VWA2: variants seen among roughly 807,000 people sequenced by gnomAD.
VWA2 encodes the protein von Willebrand factor A domain containing 2.
VWA2 carries 73 observed loss-of-function variants against 70.4 expected under a neutral mutation model. The observed-to-expected ratio is 1.04, with a 90% CI of 0.86 to 1.26. The LOEUF (loss-of-function observed/expected upper bound fraction) is 1.26, where lower values mean the gene tolerates loss of function less well. Among genes scored for constraint, VWA2 ranks in the 50% most tolerant of loss-of-function variants. The pLI, the probability that VWA2 is intolerant of heterozygous loss-of-function variation, is 0.00. For synonymous variants in VWA2, 407 were observed against 423.3 expected, an observed-to-expected ratio of 0.96 and a Z score of 0.47; for missense variants, 1,011 against 998.5, an observed-to-expected ratio of 1.01 and a Z score of -0.17.
At chr10:114,247,543 C>G (rs2037098264) in intron 1 of VWA2, among the ~76,000 whole-genome samples, 1 of 152,144 alleles carries the variant, frequency 6.6e-6, no homozygotes, top group African/African-American at 2.4e-5. Flanking sequence ...AGGTGATCCA[C>G]CTGCCTCGGC....
chr10:114,248,992 A>G (rs777206009), intron 2 of VWA2, among the ~76,000 whole-genome samples: 8 of 151,916 alleles, frequency 5.3e-5, no homozygotes, highest in Non-Finnish European at 8.8e-5. Context: ...CCCATTCTCC[A>G]TGCAGTGGCT....
chr10:114,280,271 A>G (rs2038004437), intron 8 of VWA2, among the ~76,000 whole-genome samples: 1 of 152,218 alleles, frequency 6.6e-6, no homozygotes, highest in African/African-American at 2.4e-5. Flanking sequence ...GCACTCACCC[A>G]GGTCCTGGGA....
chr10:114,248,550 G>A (rs1338547150), intron 1 of VWA2, among the ~76,000 whole-genome samples, 154 bp from the exon 2 acceptor site: 1 of 152,138 alleles, frequency 6.6e-6, no homozygotes, highest in Admixed American at 6.5e-5. Context: ...CATGACTTGG[G>A]AATTGGGGAC....
rs2133783580 is a variant in VWA2, at chr10:114,293,335, T to A, written c.*2098T>A. On this transcript the variant is annotated 3_prime_UTR_variant, in exon 14 of 14. Transcript: ENST00000392982. ...TCTTTAAATAGCAGTTTAACCATGT[T>A]ATAATGTAGGCTTTTTGTCTTGTTC... is the stretch of plus-strand genomic sequence containing the variant. 6.6e-6 allele frequency among the ~76,000 whole-genome samples: 1 copy of A among 152,356 alleles called. No homozygotes were observed. The highest frequency in any genetic ancestry group is 2.1e-4 in the South Asian group (1 of 4,830).
In VWA2 at chr10:114,253,471, A is replaced by T. The variant is rs185798985; in HGVS notation, c.53-180A>T. Among the ~76,000 whole-genome samples, 33 of 148,132 alleles carry T rather than the reference A, an allele frequency of 2.2e-4. No homozygotes were observed. In the East Asian group the frequency reaches 6.5e-3, roughly 29 times the overall value. On this transcript the variant is annotated intron_variant, in intron 2 of 13. Transcript: ENST00000392982. The stretch of plus-strand genomic sequence containing the variant: ...AATACAAAGATACCTCATAGAAGTG[A>T]GGTAATTGGGGGGTTTCTTTATGTT...
At chr10:114,275,441 C>T (rs569361344) in intron 6 of VWA2, among the ~76,000 whole-genome samples, 2 of 152,224 alleles carry the variant, frequency 1.3e-5, no homozygotes, top group Non-Finnish European at 2.9e-5. Context: ...AGACACAGTG[C>T]CTTGAGCATA....
At chr10:114,278,149 G>T in intron 7 of VWA2, 102 bp downstream of exon 7, 2 of 1,471,498 alleles carry the variant, frequency 1.4e-6, no homozygotes, top group Non-Finnish European at 1.8e-6. Context: ...AGGATGGAGG[G>T]CAGGCAAGAG....
chr10:114,287,693 T>A lies in VWA2; in HGVS notation c.1570+1182T>A, dbSNP rs142599060. ...TGCTGCTTTGTTTGGTTGGATTTTT[T>A]AAAAAAAATAATAGTTGTAGATTTA... On this transcript the variant is annotated intron_variant, in intron 11 of 13. Transcript: ENST00000392982. 5.0e-3 allele frequency among the ~76,000 whole-genome samples: 763 copies of A among 152,180 alleles called. 3 individuals are homozygous for A. The highest frequency in any genetic ancestry group is 0.014 in the Middle Eastern group (4 of 294).
chr10:114,285,932 C>T lies in VWA2; in HGVS notation c.998-7C>T. 3 of 1,576,154 alleles carry T rather than the reference C, an allele frequency of 1.9e-6. No individual in the cohort carries two copies. The South Asian group carries it at 3.5e-5, about 18-fold the overall frequency. On this transcript the variant is annotated splice_region_variant and splice_polypyrimidine_tract_variant and intron_variant, in intron 10 of 13. Transcript: ENST00000392982. ...CTTGACAGTGGGTGTTGCTGTGATC[C>T]CCGCAGCCCTGAAGCTGAGCCTGGA...
chr10:114,282,484 T>C, intron 8 of VWA2, 32 bp from the exon 9 acceptor site: 1 of 1,596,672 alleles, frequency 6.3e-7, no homozygotes, highest in South Asian at 1.1e-5. Context: ...ACACCTCTGA[T>C]CTGTCTATAA....
chr10:114,283,021 T>C (rs2038371234), intron 9 of VWA2, among the ~76,000 whole-genome samples: 1 of 152,202 alleles, frequency 6.6e-6, no homozygotes, highest in Non-Finnish European at 1.5e-5. Flanking sequence ...CCCATGGAAG[T>C]AATCCCTCAG....
At chr10:114,244,591 A>G (rs2133278281) in intron 1 of VWA2, among the ~76,000 whole-genome samples, 1 of 152,242 alleles carries the variant, frequency 6.6e-6, no homozygotes, top group South Asian at 2.1e-4. Context: ...AATGCTCATT[A>G]CATGGTAGTA....
intron 3 of VWA2, among the ~76,000 whole-genome samples, chr10:114,254,324 G>C (rs1269586075): frequency 6.6e-6 from 1 of 152,036 alleles, no homozygotes; most frequent in Admixed American, 6.6e-5. Context: ...CGCCCGCGTT[G>C]GTCTCCCAAA....
At chr10:114,251,762 G>A (rs2037200382) in intron 2 of VWA2, among the ~76,000 whole-genome samples, 1 of 151,964 alleles carries the variant, frequency 6.6e-6, no homozygotes, top group South Asian at 2.1e-4. Context: ...GTGGGCCGCA[G>A]TGGGCCCAGG....
chr10:114,242,257 A>G (rs2036986038), intron 1 of VWA2, among the ~76,000 whole-genome samples: 1 of 152,184 alleles, frequency 6.6e-6, no homozygotes. Context: ...GGTCCTGGCG[A>G]CAACCTTTCC....
At chr10:114,273,077 C>G in intron 6 of VWA2, 143 bp downstream of exon 6, 4 of 628,274 alleles carry the variant, frequency 6.4e-6, no homozygotes, top group Non-Finnish European at 1.0e-5. Flanking sequence ...GCCATTTTGA[C>G]TCCAGTGCAC....
chr10:114,241,080 GT>G (rs2036966997), intron 1 of VWA2, among the ~76,000 whole-genome samples: 1 of 152,146 alleles, frequency 6.6e-6, no homozygotes, highest in Non-Finnish European at 1.5e-5. Flanking sequence ...GTTTTAGAGT[GT>G]TAGGTTCAAA....
intron 9 of VWA2, among the ~76,000 whole-genome samples, chr10:114,283,072 T>C (rs899664124): frequency 1.3e-5 from 2 of 152,178 alleles, no homozygotes; most frequent in Admixed American, 1.3e-4. Context: ...ATCGATGCCA[T>C]TATGCATCAT....
chr10:114,289,771 T>C (rs2039370752), intron 12 of VWA2: 1 of 475,608 alleles, frequency 2.1e-6, no homozygotes, highest in Non-Finnish European at 3.9e-6. Flanking sequence ...TTTTAGAATA[T>C]CCACAAGCTT....
Sources: allele counts gnomAD v4.1 joint callset (sites outside exome capture counted in the v4.1 genomes callset), GRCh38; gene constraint gnomAD v4.1.1; transcripts MANE v1.5; gene names NCBI Gene and HGNC (gene_info 2026-07-23, HGNC 2026-07-21).